Variants in SPHKAP observed in about 807,000 individuals in gnomAD.
SPHKAP encodes A-kinase anchor protein SPHKAP.
In SPHKAP, 67 loss-of-function variants were observed where a neutral mutation model predicts 137.5. The ratio of observed to expected loss-of-function variants is 0.49; its 90% CI spans 0.40 to 0.60. The LOEUF (loss-of-function observed/expected upper bound fraction) is 0.60. Ranked by LOEUF, SPHKAP falls within the 20% of genes least tolerant of loss-of-function variation. SPHKAP has a pLI of 0.00. For missense variants in SPHKAP, 2,097 were observed against 2,069.3 expected (o/e 1.01, Z -0.26); for synonymous variants, 813 against 785.3 (o/e 1.04, Z -0.59).
At chr2:228,025,775 CAT>C (rs1574765830) in intron 4 of SPHKAP, 11 of 790,632 alleles carry the variant, frequency 1.4e-5, no homozygotes, top group Non-Finnish European at 1.7e-5. Context: ...ACAAAGTAAA[CAT>C]AAAGTAAACA....
chr2:227,995,832 T>G (rs569620444), intron 7 of SPHKAP, 138 bp from the exon 8 acceptor site: 786 of 1,267,142 alleles, frequency 6.2e-4, no homozygotes, highest in Non-Finnish European at 7.8e-4. Flanking sequence ...CTGATCCTTC[T>G]GCTGGTGCCC....
intron 3 of SPHKAP, among the ~76,000 whole-genome samples, chr2:228,082,280 T>C (rs902288797): frequency 5.9e-5 from 9 of 152,284 alleles, no homozygotes; most frequent in Admixed American, 3.3e-4. Flanking sequence ...AGACCTGAGT[T>C]CAGGCTCAGA....
intron 3 of SPHKAP, among the ~76,000 whole-genome samples, chr2:228,075,750 T>A (rs145134268): frequency 6.6e-6 from 1 of 152,200 alleles, no homozygotes; most frequent in Non-Finnish European, 1.5e-5. Flanking sequence ...TAGGACACTT[T>A]GAGTAGTTAA....
intron 3 of SPHKAP, among the ~76,000 whole-genome samples, chr2:228,092,452 G>GCAAA (rs1559169290): frequency 0.026 from 579 of 21,934 alleles, no homozygotes; most frequent in Non-Finnish European, 0.039. Flanking sequence ...CCATATATAT[G>GCAAA]TATACATATA....
At chr2:228,144,711 T>C (rs1699717092) in intron 1 of SPHKAP, among the ~76,000 whole-genome samples, 1 of 152,216 alleles carries the variant, frequency 6.6e-6, no homozygotes, top group Non-Finnish European at 1.5e-5. Flanking sequence ...TTAAGAGTTC[T>C]GAGGAAATTT....
chr2:228,122,378 C>G (rs1455986802), intron 2 of SPHKAP, among the ~76,000 whole-genome samples: 7 of 152,048 alleles, frequency 4.6e-5, no homozygotes, highest in African/African-American at 1.7e-4. Context: ...AGGAACTGAG[C>G]TATAGAGAAC....
chr2:228,065,989 G>A (rs183286846), intron 3 of SPHKAP, among the ~76,000 whole-genome samples: 154 of 152,320 alleles, frequency 1.0e-3, no homozygotes, highest in Non-Finnish European at 1.6e-3. Flanking sequence ...ATACAAGTGA[G>A]AGAAGCTAAG....
chr2:228,063,841 T>A (rs1042465612), intron 3 of SPHKAP, among the ~76,000 whole-genome samples: 1 of 152,220 alleles, frequency 6.6e-6, no homozygotes, highest in Non-Finnish European at 1.5e-5. Context: ...AATGCATTAT[T>A]TCAGTGGTCC....
Position 228,021,800 on chromosome 2 carries a change from G to C in SPHKAP, c.608C>G (p.Thr203Arg). The stretch of plus-strand genomic sequence containing the variant: ...CTCGATTGAAGATAAGGAACAGTTC[G>C]TGTCATCCTCCAGTTTCAAGATGTT... Reference protein sequence around the residue: ...ETNILKLEDDTNCSLSSIEED... With the variant: ...ETNILKLEDDRNCSLSSIEED... Residue 203 changes from threonine (T) to arginine (R), a missense_variant, in exon 6 of 12, where the codon ACG (threonine) becomes AGG (arginine). Physicochemically the swap from Thr to Arg is moderately conservative, Grantham distance 71 (BLOSUM62 -1). Transcript: ENST00000392056. The C allele has an allele frequency of 6.2e-7, 1 of 1,614,102 alleles. No individual in the cohort carries two copies. The highest frequency in any genetic ancestry group is 8.5e-7 in the Non-Finnish European group (1 of 1,179,994).
At chr2:227,995,209 C>T (rs1336055804) in intron 8 of SPHKAP, among the ~76,000 whole-genome samples, 2 of 152,190 alleles carry the variant, frequency 1.3e-5, no homozygotes, top group Non-Finnish European at 2.9e-5. Flanking sequence ...GGTGTAAAAG[C>T]AGCTCACCAT....
intron 1 of SPHKAP, among the ~76,000 whole-genome samples, chr2:228,161,826 C>A (rs1464671312): frequency 6.6e-6 from 1 of 152,192 alleles, no homozygotes; most frequent in Non-Finnish European, 1.5e-5. Flanking sequence ...GTTTTTGCCA[C>A]CTCGGACTCC....
At chr2:228,032,833 A>AT (rs1695394234) in intron 3 of SPHKAP, among the ~76,000 whole-genome samples, 2 of 152,158 alleles carry the variant, frequency 1.3e-5, no homozygotes, top group South Asian at 2.1e-4. Flanking sequence ...ATACTGAGAG[A>AT]TTTTGTCACC....
chr2:228,008,620 T>A (rs1407881779), intron 7 of SPHKAP, among the ~76,000 whole-genome samples: 2 of 152,088 alleles, frequency 1.3e-5, no homozygotes, highest in Non-Finnish European at 2.9e-5. Context: ...TAGCTTTGTG[T>A]TTACATTTAG....
chr2:228,035,862 G>C (rs1695568105), intron 3 of SPHKAP, among the ~76,000 whole-genome samples: 1 of 152,070 alleles, frequency 6.6e-6, no homozygotes, highest in Admixed American at 6.6e-5. Context: ...CCTTCCTTAT[G>C]CCCTATACAA....
intron 1 of SPHKAP, among the ~76,000 whole-genome samples, chr2:228,149,417 C>T (rs1245873601): frequency 6.6e-6 from 1 of 152,194 alleles, no homozygotes; most frequent in Non-Finnish European, 1.5e-5. Context: ...CTTTACATCT[C>T]ATTGCCTGAT....
intron 6 of SPHKAP, among the ~76,000 whole-genome samples, chr2:228,020,656 T>C (rs1022386716): frequency 6.6e-6 from 1 of 152,154 alleles, no homozygotes; most frequent in African/African-American, 2.4e-5. Context: ...ACATGGCACA[T>C]GTATACATAT....
chr2:228,033,881 T>C (rs887640301), intron 3 of SPHKAP, among the ~76,000 whole-genome samples: 4 of 152,154 alleles, frequency 2.6e-5, no homozygotes, highest in Middle Eastern at 6.8e-3. Context: ...TTCAAAGAAG[T>C]ATGTAGAGGG....
In SPHKAP at chr2:228,155,728, A is replaced by G. The variant is rs1488813284; in HGVS notation, c.33-23643T>C. Reference sequence around the variant, plus strand: ...CCAACTATGGTGATTATGTAAAGAGACTTCCAGATGTCTTAGTACTTTAAA... The same window carrying G: ...CCAACTATGGTGATTATGTAAAGAGGCTTCCAGATGTCTTAGTACTTTAAA... On this transcript the variant is annotated intron_variant, in intron 1 of 11. Transcript: ENST00000392056. Among the ~76,000 whole-genome samples the G allele has an allele frequency of 2.0e-5, 3 of 152,206 alleles. No individual in the cohort carries two copies. In the East Asian group the frequency reaches 5.8e-4, roughly 29 times the overall value.
chr2:228,037,969 A>T (rs1427266504), intron 3 of SPHKAP, among the ~76,000 whole-genome samples: 1 of 152,216 alleles, frequency 6.6e-6, no homozygotes, highest in Non-Finnish European at 1.5e-5. Flanking sequence ...CTAATGCTGA[A>T]GTCCAAGTAG....
Sources: gnomAD v4.1 joint callset for allele counts (sites outside exome capture counted in the v4.1 genomes callset) on GRCh38, gnomAD v4.1.1 for gene constraint, MANE v1.5 for transcripts, NCBI Gene and HGNC (gene_info 2026-07-23, HGNC 2026-07-21) for gene names.